Variants in EIF5B observed in about 807,000 individuals in gnomAD.
EIF5B encodes eIF-5B.
A neutral mutation model predicts 147.5 loss-of-function variants in EIF5B; 47 were observed. The observed-to-expected ratio is 0.32, with a 90% CI of 0.25 to 0.41. The LOEUF is 0.41. Among genes scored for constraint, EIF5B ranks in the 10% least tolerant of loss-of-function variants. The probability of loss-of-function intolerance (pLI) is 1.00; values close to 1 mark genes in which losing one functional copy is unlikely to be tolerated. For missense variants in EIF5B, 1,064 were observed against 1,413.2 expected (o/e 0.75, Z 3.96); for synonymous variants, 455 against 456.2 (o/e 1.00, Z 0.03).
chr2:99,354,221 G>A (rs890219679), intron 1 of EIF5B, among the ~76,000 whole-genome samples: 2 of 152,148 alleles, frequency 1.3e-5, no homozygotes, highest in African/African-American at 4.8e-5. Flanking sequence ...TGGGGGAGGA[G>A]GGCATTCTCA....
chr2:99,374,944 G>C (rs547825877), intron 9 of EIF5B, among the ~76,000 whole-genome samples: 3 of 151,662 alleles, frequency 2.0e-5, no homozygotes, highest in Non-Finnish European at 4.4e-5. Context: ...TGCTTCTCTT[G>C]ACTGTCTTCT....
At chr2:99,344,818 G>A (rs2094269059) in intron 1 of EIF5B, among the ~76,000 whole-genome samples, 1 of 152,128 alleles carries the variant, frequency 6.6e-6, no homozygotes, top group South Asian at 2.1e-4. Context: ...ATAGTCTAAT[G>A]AACAAACATG....
chr2:99,395,022 A>T (rs1675013593), intron 21 of EIF5B, 139 bp downstream of exon 21: 4 of 827,464 alleles, frequency 4.8e-6, no homozygotes, highest in Non-Finnish European at 5.5e-6. Flanking sequence ...ATGGTGTGTT[A>T]CAAACCAGAA....
chr2:99,370,881 G>A (rs939873116), intron 8 of EIF5B, among the ~76,000 whole-genome samples: 1 of 152,100 alleles, frequency 6.6e-6, no homozygotes, highest in Non-Finnish European at 1.5e-5. Context: ...CCAGAGTGAT[G>A]GTGGTAGTTT....
Position 99,360,660 on chromosome 2 carries a change from T to C in EIF5B, c.246+111T>C, listed in dbSNP as rs1574925000. 4.3e-6 allele frequency: 4 copies of C among 938,420 alleles called. No homozygotes were observed. In the East Asian group the frequency reaches 8.4e-5, roughly 20 times the overall value. The allele number at this position is 938,420 out of a possible 1,614,324, so 58.1% of individuals were successfully genotyped here. On this transcript the variant is annotated intron_variant, in intron 3 of 23. Coordinates refer to ENST00000289371, the MANE Select transcript of EIF5B (RefSeq NM_015904.4). The stretch of plus-strand genomic sequence containing the variant: ...CTTTTGAGCAGTGTACAATATGTTA[T>C]TTAAAAGCTTCTATGAAATCTGATG...
In EIF5B at chr2:99,337,521, G is replaced by T; in HGVS notation, c.-34G>T. On this transcript the variant is annotated 5_prime_UTR_variant, in exon 1 of 24. Transcript: ENST00000289371. ...CAGTGGGTCTGTGAGAGACCGAATA[G>T]AGGGGCTGGGGCCACGAGCGCCATT... 1 of 1,608,854 alleles carries T rather than the reference G, an allele frequency of 6.2e-7. No homozygotes were observed. The highest frequency in any genetic ancestry group is 8.5e-7 in the Non-Finnish European group (1 of 1,177,610).
At chr2:99,377,571 T>A (rs1437035717) in intron 10 of EIF5B, among the ~76,000 whole-genome samples, 1 of 151,838 alleles carries the variant, frequency 6.6e-6, no homozygotes, top group African/African-American at 2.4e-5. Flanking sequence ...TCCCTTGCCA[T>A]ATACCCATGT....
At chr2:99,350,040 G>A (rs1053627660) in intron 1 of EIF5B, among the ~76,000 whole-genome samples, 4 of 152,232 alleles carry the variant, frequency 2.6e-5, no homozygotes, top group Admixed American at 2.6e-4. Flanking sequence ...AGATCATGCA[G>A]TATTTGTCTT....
rs1157411059 is a variant in EIF5B, at chr2:99,337,429, A to G, written c.-126A>G. 3 of 1,208,720 alleles carry G rather than the reference A, an allele frequency of 2.5e-6. No homozygotes were observed. The highest frequency in any genetic ancestry group is 3.0e-5 in the African/African-American group (2 of 66,264). 74.9% of individuals were successfully genotyped at this position (1,208,720 alleles called of 1,614,324 possible). A position where few individuals can be genotyped will look rare whatever the true frequency, so the allele number is the denominator to read the frequency against. On this transcript the variant is annotated 5_prime_UTR_variant, in exon 1 of 24. Coordinates refer to ENST00000289371, the MANE Select transcript of EIF5B (RefSeq NM_015904.4). ...TGTTCCAGTGCGCGGGTCTGTGGAG[A>G]GCCGGGTGCGAGCGGCGGCAGCACG...
chr2:99,339,839 C>T (rs1349186813), intron 1 of EIF5B, among the ~76,000 whole-genome samples: 5 of 151,942 alleles, frequency 3.3e-5, no homozygotes, highest in Non-Finnish European at 7.4e-5. Context: ...CACACTAGAC[C>T]CTGTTGTTAA....
intron 3 of EIF5B, 126 bp from the exon 4 acceptor site, chr2:99,361,022 A>G (rs1674200510): frequency 9.8e-7 from 1 of 1,025,338 alleles, no homozygotes; most frequent in South Asian, 2.4e-5. Context: ...TATTCCTGTG[A>G]AAAAGACTTT....
chr2:99,378,964 A>T, intron 10 of EIF5B, 55 bp from the exon 11 acceptor site: 1 of 1,334,910 alleles, frequency 7.5e-7, no homozygotes, highest in Middle Eastern at 2.2e-4. Flanking sequence ...AAATAAGGAT[A>T]GTGAGGATTT....
chr2:99,376,661 A>G (rs1473294156), intron 10 of EIF5B, 25 bp downstream of exon 10: 6 of 1,572,252 alleles, frequency 3.8e-6, no homozygotes, highest in Middle Eastern at 1.8e-4. Flanking sequence ...GTTTCTCTCT[A>G]CTTTTCTTCC....
At chr2:99,362,273 AGT>A (rs1284647425) in intron 4 of EIF5B, among the ~76,000 whole-genome samples, 5 of 152,354 alleles carry the variant, frequency 3.3e-5, no homozygotes, top group Admixed American at 6.5e-5. Context: ...TGCTAAAATT[AGT>A]GTCTTTTAAG....
intron 1 of EIF5B, among the ~76,000 whole-genome samples, chr2:99,350,754 A>G (rs1010614860): frequency 1.3e-5 from 2 of 151,990 alleles, no homozygotes; most frequent in African/African-American, 2.4e-5. Flanking sequence ...TTGTCGGTTT[A>G]TGCTTTTGTT....
intron 1 of EIF5B, among the ~76,000 whole-genome samples, chr2:99,347,182 T>C (rs1345371001): frequency 6.6e-6 from 1 of 151,964 alleles, no homozygotes; most frequent in African/African-American, 2.4e-5. Flanking sequence ...ATTTTTTTGA[T>C]TTTTAGTAGA....
chr2:99,363,363 T>G (rs78941266), intron 4 of EIF5B, among the ~76,000 whole-genome samples: 1,673 of 152,294 alleles, frequency 0.011, 9 homozygotes, highest in Middle Eastern at 0.024. Context: ...GGTACAGGAT[T>G]GCCCTTTTGC....
intron 1 of EIF5B, 37 bp downstream of exon 1, chr2:99,337,626 G>C (rs2094246140): frequency 6.3e-7 from 1 of 1,591,488 alleles, no homozygotes; most frequent in Non-Finnish European, 8.6e-7. Context: ...GGCGGCCGCC[G>C]TGGCTCAGTG....
intron 4 of EIF5B, among the ~76,000 whole-genome samples, chr2:99,362,951 G>A (rs1674250806): frequency 6.6e-6 from 1 of 151,756 alleles, no homozygotes; most frequent in Non-Finnish European, 1.5e-5. Context: ...TAGAGATGGG[G>A]TTTCGTCATG....
Sources: allele counts gnomAD v4.1 joint callset (sites outside exome capture counted in the v4.1 genomes callset), GRCh38; gene constraint gnomAD v4.1.1; transcripts MANE v1.5; gene names NCBI Gene and HGNC (gene_info 2026-07-23, HGNC 2026-07-21).